ARAP1: variants seen among roughly 807,000 people sequenced by gnomAD.
The protein encoded by ARAP1 is arf-GAP with Rho-GAP domain, ANK repeat and PH domain-containing protein 1.
A neutral mutation model predicts 172.2 loss-of-function variants in ARAP1; 76 were observed. The ratio of observed to expected loss-of-function variants is 0.44; its 90% CI spans 0.37 to 0.53. The LOEUF is 0.53. Ranked by LOEUF, ARAP1 falls within the 20% of genes least tolerant of loss-of-function variation. ARAP1 has a pLI of 0.00. For synonymous variants in ARAP1, 804 were observed against 803.3 expected (o/e 1.00, Z -0.01); for missense variants, 1,686 against 1,977.5 (o/e 0.85, Z 2.80).
intron 31 of ARAP1, 28 bp from the exon 32 acceptor site, chr11:72,687,766 G>C: frequency 6.2e-7 from 1 of 1,613,884 alleles, no homozygotes; most frequent in East Asian, 2.2e-5. Flanking sequence ...AGAGAGTTGG[G>C]TGTTTGACAG....
rs755542418 is a variant in ARAP1, at chr11:72,726,648, G to T, written c.481C>A (p.Arg161Ser). The T allele has an allele frequency of 2.6e-6, 4 of 1,529,162 alleles. No homozygotes were observed. In the Admixed American group the frequency reaches 7.7e-5, roughly 30 times the overall value. The allele number at this position is 1,529,162 out of a possible 1,614,324, so 94.7% of individuals were successfully genotyped here. A position where few individuals can be genotyped will look rare whatever the true frequency, so the allele number is the denominator to read the frequency against. ...AELSVPPVPPRTGPPRLLVSL... is the reference protein window; with the variant it reads ...AELSVPPVPPSTGPPRLLVSL... ...ACCAGCAGGCGGGGGGGTCCGGTGC[G>T]GGGCGGCACGGGTGGAACGCTCAGC... The change falls in exon 3 of 35, where the codon CGC becomes AGC. Residue 161 changes from arginine to serine, a missense_variant. Physicochemically the swap from Arg to Ser is moderately radical, Grantham distance 110. Transcript: ENST00000393609. This position sits in a 1 kb window ranked among gnomAD's most constrained non-coding sequence, Gnocchi z 6.5.
chr11:72,727,355 TC>T (rs1473979039), intron 2 of ARAP1, among the ~76,000 whole-genome samples, 183 bp from the exon 3 acceptor site: 1 of 152,144 alleles, frequency 6.6e-6, no homozygotes, highest in Non-Finnish European at 1.5e-5. Flanking sequence ...GGCTCTTCTC[TC>T]CGCCTGAACC....
chr11:72,710,267 A>G lies in ARAP1; in HGVS notation c.1416+118T>C. On this transcript the variant is annotated intron_variant, in intron 10 of 34. Coordinates refer to ENST00000393609, the MANE Select transcript of ARAP1 (RefSeq NM_001040118.3). The surrounding 1 kb of genome is among the most constrained non-coding windows in gnomAD (Gnocchi z 4.3). ...GGGGAGCGAGGACATATCCAGGCAA[A>G]GGGCTGGGCCCAGTGCAGGAAAAGA... 1 of 1,285,596 alleles carries G rather than the reference A, an allele frequency of 7.8e-7. No homozygotes were observed. The highest frequency in any genetic ancestry group is 2.3e-5 in the East Asian group (1 of 43,036). 79.6% of individuals were successfully genotyped at this position (1,285,596 alleles called of 1,614,324 possible).
chr11:72,701,971 C>T (rs773505275), intron 15 of ARAP1, among the ~76,000 whole-genome samples, 188 bp from the exon 16 acceptor site: 10 of 152,176 alleles, frequency 6.6e-5, no homozygotes, highest in Non-Finnish European at 8.8e-5. Context: ...CCTCTCCCCA[C>T]TTGTGGAAAT....
intron 11 of ARAP1, among the ~76,000 whole-genome samples, chr11:72,708,878 T>C (rs1591201728): frequency 6.6e-6 from 1 of 151,868 alleles, no homozygotes; most frequent in Non-Finnish European, 1.5e-5. Flanking sequence ...CTCTACTAAA[T>C]ATACAAAAAT....
At chr11:72,736,668 C>T (rs1858037297) in intron 1 of ARAP1, among the ~76,000 whole-genome samples, 1 of 152,096 alleles carries the variant, frequency 6.6e-6, no homozygotes, top group South Asian at 2.1e-4. Context: ...ACACCCCCAT[C>T]CTGCCTCTCC....
chr11:72,686,241 A>C (rs1855679254), intron 33 of ARAP1, 50 bp from the exon 34 acceptor site: 5 of 1,578,134 alleles, frequency 3.2e-6, no homozygotes, highest in Non-Finnish European at 4.3e-6. Context: ...TCACCCAGAC[A>C]CTCAGCCTCA....
rs376893105 is a variant in ARAP1, at chr11:72,701,774, C to G, written c.2177G>C (p.Arg726Pro). 2.9e-5 allele frequency: 46 copies of G among 1,613,294 alleles called. No homozygotes were observed. The highest frequency in any genetic ancestry group is 3.9e-5 in the Non-Finnish European group (46 of 1,179,546). ...LRNNRTTEVP[R>P]LDSMKPLEKH... ...TTCCAGGGGCTTCATCGAGTCCAGC[C>G]GAGGCACCTCTTTGTAGGCGGGGAA... Residue 726 changes from arginine (R) to proline (P), a missense_variant, in exon 16 of 35, where the codon CGG becomes CCG. Around this residue, in one of 5 missense-constraint regions of ARAP1, gnomAD observed 688 missense variants for 856.9 expected, o/e 0.80. Transcript: ENST00000393609.
chr11:72,731,181 GA>G (rs1447273108), intron 2 of ARAP1, among the ~76,000 whole-genome samples: 3 of 152,218 alleles, frequency 2.0e-5, no homozygotes, highest in Non-Finnish European at 4.4e-5. Context: ...GGAAGATGCA[GA>G]GTTCACAGGG....
chr11:72,688,545 A>G lies in ARAP1; in HGVS notation c.3988-8T>C. ...CTTCTCAGGCCGGTGACTCTGAGGT[A>G]GGGCAAGGAGAAGAGGGCACTTTAG... On this transcript the variant is annotated splice_polypyrimidine_tract_variant and splice_region_variant and intron_variant, in intron 30 of 34. Transcript: ENST00000393609. The G allele has an allele frequency of 6.2e-7, 1 of 1,610,050 alleles. No individual in the cohort carries two copies. The highest frequency in any genetic ancestry group is 8.5e-7 in the Non-Finnish European group (1 of 1,178,068).
At chr11:72,713,298 G>A (rs1857117649) in intron 4 of ARAP1, 55 bp from the exon 5 acceptor site, 6 of 1,524,474 alleles carry the variant, frequency 3.9e-6, no homozygotes, top group Admixed American at 3.4e-5. Flanking sequence ...CTCCTCTCCT[G>A]GGGCACCACA....
intron 1 of ARAP1, among the ~76,000 whole-genome samples, chr11:72,742,165 C>T (rs561907764): frequency 2.0e-5 from 3 of 152,266 alleles, no homozygotes; most frequent in African/African-American, 4.8e-5. Flanking sequence ...AGTCTCCTGA[C>T]TATAATCAGA....
In ARAP1 at chr11:72,685,373, G is replaced by A; in HGVS notation, c.*291C>T. The A allele has an allele frequency of 2.0e-6, 1 of 500,770 alleles. No individual in the cohort carries two copies. Among genetic ancestry groups the A allele is most frequent in the Non-Finnish European group, 3.6e-6 (1 of 278,760 alleles). The allele number at this position is 500,770 out of a possible 1,614,324, so 31.0% of individuals were successfully genotyped here. On this transcript the variant is annotated 3_prime_UTR_variant, in exon 35 of 35. Coordinates refer to ENST00000393609, the MANE Select transcript of ARAP1 (RefSeq NM_001040118.3). ...TGGTCCTCCCAAGTTCCTGACTTAT[G>A]CCCATCTCTCCAGCCCCACAAGGAC...
Position 72,734,857 on chromosome 11 carries a change from G to A in ARAP1, c.-127-2260C>T, listed in dbSNP as rs79447749. Among the ~76,000 whole-genome samples, 1,071 of 141,288 alleles carry A rather than the reference G, an allele frequency of 7.6e-3. 18 individuals carry two copies. Among genetic ancestry groups the A allele is most frequent in the African/African-American group, 0.027 (996 of 37,048 alleles). 92.7% of individuals were successfully genotyped at this position (141,288 alleles called of 152,430 possible). ...GACTGAGCACAAAAAAAAAAAAAAA[G>A]AATGCAAAATATCTCAATAATTTTC... On this transcript the variant is annotated intron_variant, in intron 1 of 34. Coordinates refer to ENST00000393609, the MANE Select transcript of ARAP1 (RefSeq NM_001040118.3).
chr11:72,689,167 G>A (rs1448819493), intron 30 of ARAP1, among the ~76,000 whole-genome samples: 3 of 152,242 alleles, frequency 2.0e-5, no homozygotes, highest in Non-Finnish European at 4.4e-5. Context: ...GTCTAGGTCA[G>A]GAAGCGAGAG....
At chr11:72,713,444 G>A (rs1382100969) in intron 4 of ARAP1, among the ~76,000 whole-genome samples, 1 of 152,234 alleles carries the variant, frequency 6.6e-6, no homozygotes, top group Non-Finnish European at 1.5e-5. Context: ...GGTGGCAGAG[G>A]AGAAGCTGGG....
chr11:72,697,415 G>C lies in ARAP1; in HGVS notation c.2861C>G (p.Ala954Gly). 1 of 1,611,824 alleles carries C rather than the reference G, an allele frequency of 6.2e-7. No homozygotes were observed. Reference sequence around the variant, plus strand: ...CTCCGACAGCGTGTCCCCCATGCTGGCGGCTGCTTTCTGGATGGCCCCCAG... The same window carrying C: ...CTCCGACAGCGTGTCCCCCATGCTGCCGGCTGCTTTCTGGATGGCCCCCAG... ...GWLGAIQKAA[A>G]SMGDTLSEQQ... Residue 954 changes from alanine (A) to glycine (G), a missense_variant, in exon 21 of 35, where the codon GCC becomes GGC. By Grantham distance (60) the Ala-to-Gly change is moderately conservative (BLOSUM62 0). Coordinates refer to ENST00000393609, the MANE Select transcript of ARAP1 (RefSeq NM_001040118.3).
At chr11:72,686,729 AGCCACT>A (rs1448985130) in intron 33 of ARAP1, among the ~76,000 whole-genome samples, 2 of 152,108 alleles carry the variant, frequency 1.3e-5, no homozygotes, top group African/African-American at 4.8e-5. Flanking sequence ...GGGCTACCAC[AGCCACT>A]GCCTCACTGG....
In ARAP1 at chr11:72,686,130, C is replaced by A. The variant is rs756876924; in HGVS notation, c.4247G>T (p.Arg1416Leu). The A allele has an allele frequency of 6.2e-7, 1 of 1,614,020 alleles. No individual in the cohort carries two copies. Among genetic ancestry groups the A allele is most frequent in the Non-Finnish European group, 8.5e-7 (1 of 1,180,026 alleles). Residue 1416 changes from arginine to leucine, a missense_variant, in exon 34 of 35, where the codon CGG (arginine) becomes CTG (leucine). Around this residue, in one of 5 missense-constraint regions of ARAP1, gnomAD observed 379 missense variants for 500.1 expected, o/e 0.76. Transcript: ENST00000393609. ...GGGGATCAGTGACACACTACCCAGCCGGACCTCAGGCACTGCCCGGGACAC... is the reference window on the plus strand; with the variant it reads ...GGGGATCAGTGACACACTACCCAGCAGGACCTCAGGCACTGCCCGGGACAC... ...SRVSRAVPEVRLGSVSLIPLR... is the reference protein window; with the variant it reads ...SRVSRAVPEVLLGSVSLIPLR...
Sources: allele counts gnomAD v4.1 joint callset (sites outside exome capture counted in the v4.1 genomes callset), GRCh38; gene constraint gnomAD v4.1.1; regional missense constraint gnomAD v4.1.1; non-coding constraint Gnocchi (gnomAD v3.1); transcripts MANE v1.5; gene names NCBI Gene and HGNC (gene_info 2026-07-23, HGNC 2026-07-21).